The following CNR2 variants were observed in gnomAD, a reference collection of about 807,000 sequenced individuals.
CNR2 encodes cannabinoid receptor 2 (macrophage).
For synonymous variants in CNR2, 172 were observed against 182.2 expected (o/e 0.94, Z 0.45); for missense variants, 379 against 439.9 (o/e 0.86, Z 1.24).
intron 1 of CNR2, chr1:23,902,690 C>T (rs1640421199): frequency 6.3e-7 from 1 of 1,593,518 alleles, no homozygotes; most frequent in Admixed American, 1.7e-5. Context: ...GCACGTCGGC[C>T]ACGAGCTCGT....
At chr1:23,888,196 C>A (rs1448124147) in intron 1 of CNR2, among the ~76,000 whole-genome samples, 1 of 152,190 alleles carries the variant, frequency 6.6e-6, no homozygotes, top group Non-Finnish European at 1.5e-5. Flanking sequence ...CACTTTCCTG[C>A]ACTCCGTTCG....
chr1:23,891,984 T>A (rs1401639897), intron 1 of CNR2, among the ~76,000 whole-genome samples: 2 of 152,066 alleles, frequency 1.3e-5, no homozygotes, highest in African/African-American at 4.8e-5. Flanking sequence ...GGCAAGGCAA[T>A]TTGATGGCCT....
chr1:23,898,456 C>G (rs1417522210), intron 1 of CNR2, among the ~76,000 whole-genome samples: 1 of 149,372 alleles, frequency 6.7e-6, no homozygotes, highest in Non-Finnish European at 1.5e-5. Context: ...ATTCTCCTGC[C>G]TCAGCCTCCC....
chr1:23,875,446 T>C lies in CNR2; in HGVS notation c.172A>G (p.Ile58Val). 1 of 1,614,028 alleles carries C rather than the reference T, an allele frequency of 6.2e-7. No individual in the cohort carries two copies. Residue 58 changes from isoleucine (I) to valine (V), a missense_variant, in exon 2 of 2, where the codon ATC becomes GTC. Transcript: ENST00000374472. Reference sequence around the variant, plus strand: ...CGGCGGAGTTGGTGGGAGGACAGGATCAGATAGAGCACAGCCACGTTCTCC... The same window carrying C: ...CGGCGGAGTTGGTGGGAGGACAGGACCAGATAGAGCACAGCCACGTTCTCC... ...ALENVAVLYL[I>V]LSSHQLRRKP... is the part of the protein sequence containing the mutation.
chr1:23,890,242 G>A (rs1409718247), intron 1 of CNR2, among the ~76,000 whole-genome samples: 1 of 131,118 alleles, frequency 7.6e-6, no homozygotes, highest in African/African-American at 2.8e-5. Context: ...CCGGGCTACA[G>A]AGTGAGACCT....
chr1:23,881,563 A>G (rs28845540), intron 1 of CNR2, among the ~76,000 whole-genome samples: 128,322 of 149,982 alleles, frequency 0.86, 55,338 homozygotes, highest in Middle Eastern at 0.92. Flanking sequence ...CAGCCTGGGC[A>G]ACAGAGTGAA....
intron 1 of CNR2, among the ~76,000 whole-genome samples, chr1:23,887,740 A>C (rs1013117669): frequency 2.6e-5 from 4 of 152,184 alleles, no homozygotes; most frequent in African/African-American, 9.7e-5. Flanking sequence ...ATAACAGAAT[A>C]ATGGTATAAG....
rs1410574026 is a variant in CNR2, at chr1:23,873,247, T to TA, written c.*1287dup. On this transcript the variant is annotated 3_prime_UTR_variant, in exon 2 of 2. Coordinates refer to ENST00000374472, the MANE Select transcript of CNR2 (RefSeq NM_001841.3). ...GAGTACCCTGGGATCTATTTTATTTTATTTTTTTGAGACAGTCTTGCTCTG... is the reference window on the plus strand; with the variant it reads ...GAGTACCCTGGGATCTATTTTATTTTAATTTTTTTGAGACAGTCTTGCTCTG... 1 of 87,112 alleles carries TA rather than the reference T, an allele frequency of 1.1e-5. No individual in the cohort carries two copies. Among genetic ancestry groups the TA allele is most frequent in the Admixed American group, 1.2e-4 (1 of 8,476 alleles). 5.4% of individuals were successfully genotyped at this position (87,112 alleles called of 1,614,324 possible).
chr1:23,882,986 G>A (rs1640019152), intron 1 of CNR2, among the ~76,000 whole-genome samples: 1 of 151,982 alleles, frequency 6.6e-6, no homozygotes, highest in Admixed American at 6.6e-5. Context: ...CTATAGGGAA[G>A]AGAAAGAACT....
intron 1 of CNR2, among the ~76,000 whole-genome samples, chr1:23,893,036 T>C (rs1400210507): frequency 1.3e-5 from 2 of 152,238 alleles, no homozygotes; most frequent in Middle Eastern, 3.4e-3. Context: ...AAGGAAAGAA[T>C]GTGTAATGTA....
At chr1:23,902,762 G>T in intron 1 of CNR2, 2 of 1,503,950 alleles carry the variant, frequency 1.3e-6, no homozygotes, top group East Asian at 2.4e-5. Context: ...GGGGCTCTCC[G>T]GGTGGTTGTT....
intron 1 of CNR2, chr1:23,901,357 T>C (rs1640395600): frequency 4.3e-6 from 4 of 937,840 alleles, no homozygotes; most frequent in East Asian, 2.7e-5. Flanking sequence ...TTCAGTTGAC[T>C]ACATGCCAAA....
At chr1:23,900,218 T>A (rs1317871692) in intron 1 of CNR2, among the ~76,000 whole-genome samples, 1 of 152,002 alleles carries the variant, frequency 6.6e-6, no homozygotes, top group East Asian at 1.9e-4. Flanking sequence ...TGTGATTTCA[T>A]CCCTGGCCAA....
chr1:23,891,254 G>A (rs1640184228), intron 1 of CNR2, among the ~76,000 whole-genome samples: 1 of 151,276 alleles, frequency 6.6e-6, no homozygotes. Context: ...TGTAGACTGT[G>A]GGGTTTTTTG....
chr1:23,874,579 T>C lies in CNR2; in HGVS notation c.1039A>G (p.Thr347Ala), dbSNP rs1237637123. Reference protein sequence around the residue: ...VTETEADGKITPWPDSRDLDL... With the variant: ...VTETEADGKIAPWPDSRDLDL... ...AGATCTCTGGAATCTGGCCACGGAG[T>C]GATTTTCCCATCAGCCTCTGTCTCG... Residue 347 changes from threonine (T) to alanine (A), a missense_variant, in exon 2 of 2, where the codon ACT becomes GCT. Physicochemically the swap from Thr to Ala is moderately conservative, Grantham distance 58. Coordinates refer to ENST00000374472, the MANE Select transcript of CNR2 (RefSeq NM_001841.3). 6.2e-7 allele frequency: 1 copy of C among 1,613,642 alleles called. No homozygotes were observed. The highest frequency in any genetic ancestry group is 1.3e-5 in the African/African-American group (1 of 74,788).
At chr1:23,895,245 G>A (rs1553141748) in intron 1 of CNR2, among the ~76,000 whole-genome samples, 1 of 152,070 alleles carries the variant, frequency 6.6e-6, no homozygotes, top group Non-Finnish European at 1.5e-5. Flanking sequence ...TCTGCCAACA[G>A]GACAGTTTTG....
rs34781596 is a variant in CNR2 at position 23,871,154 on chromosome 1, C to CAAAAAAAAAAAA, written c.*3369_*3380dup. On this transcript the variant is annotated 3_prime_UTR_variant, in exon 2 of 2. Transcript: ENST00000374472. The stretch of plus-strand genomic sequence containing the variant: ...TGGGTGACAGAGTGAGATTCTATGT[C>CAAAAAAAAAAAA]AAAAAAAAAAAAAAAAAAAAAAAAA... 1.0e-4 allele frequency: 6 copies of CAAAAAAAAAAAA among 58,766 alleles called. No individual in the cohort carries two copies. Among genetic ancestry groups the CAAAAAAAAAAAA allele is most frequent in the East Asian group, 5.4e-4 (1 of 1,836 alleles). The allele number at this position is 58,766 out of a possible 1,614,324, so 3.6% of individuals were successfully genotyped here.
chr1:23,901,108 G>A (rs1359137825), intron 1 of CNR2, among the ~76,000 whole-genome samples: 1 of 152,032 alleles, frequency 6.6e-6, no homozygotes, highest in African/African-American at 2.4e-5. Flanking sequence ...GCCGATTTTA[G>A]ATTTGAAGGG....
chr1:23,911,136 G>GT (rs1217135976), intron 1 of CNR2, among the ~76,000 whole-genome samples: 1 of 130,588 alleles, frequency 7.7e-6, no homozygotes, highest in Non-Finnish European at 1.6e-5. Flanking sequence ...CCTGAGCGCA[G>GT]TGAGAAGGTT....
Sources: gnomAD v4.1 joint callset for allele counts (sites outside exome capture counted in the v4.1 genomes callset) on GRCh38, gnomAD v4.1.1 for gene constraint, MANE v1.5 for transcripts, NCBI Gene and HGNC (gene_info 2026-07-23, HGNC 2026-07-21) for gene names.